Variants in DNAJC6 observed in about 807,000 individuals in gnomAD.
DNAJC6 encodes the protein auxilin.
Under a neutral mutation model 110.0 loss-of-function variants are expected in DNAJC6, and 34 were observed. The ratio of observed to expected loss-of-function variants is 0.31; its 90% CI spans 0.24 to 0.41. The LOEUF (loss-of-function observed/expected upper bound fraction) is 0.41, where lower values mean the gene tolerates loss of function less well. Among genes scored for constraint, DNAJC6 ranks in the 10% least tolerant of loss-of-function variants. The probability of loss-of-function intolerance (pLI) is 1.00; values close to 1 mark genes in which losing one functional copy is unlikely to be tolerated. For missense variants in DNAJC6, 1,031 were observed against 1,207.8 expected, an observed-to-expected ratio of 0.85 and a Z score of 2.17; for synonymous variants, 406 against 437.2, an observed-to-expected ratio of 0.93 and a Z score of 0.89.
intron 1 of DNAJC6, among the ~76,000 whole-genome samples, chr1:65,350,625 C>T (rs1011256649): frequency 2.0e-5 from 3 of 152,036 alleles, no homozygotes; most frequent in Admixed American, 6.5e-5. Flanking sequence ...GTTAAATTAC[C>T]GACATATCCT....
chr1:65,352,441 CCA>C lies in DNAJC6; in HGVS notation c.194-12193_194-12192del, dbSNP rs747158258. On this transcript the variant is annotated intron_variant, in intron 1 of 18. Coordinates refer to ENST00000371069, the MANE Select transcript of DNAJC6 (RefSeq NM_001256864.2). ...TTAGGCTAGAAGTCCAATGCACTAT[CCA>C]TTGTGCCACAGAGCCTGCCTGCTTG... Among the ~76,000 whole-genome samples the C allele has an allele frequency of 8.7e-3, 1,327 of 152,308 alleles. 56 individuals are homozygous for C. In the East Asian group the frequency reaches 0.11, roughly 13 times the overall value.
At chr1:65,296,304 C>G (rs1644927910) in intron 1 of DNAJC6, among the ~76,000 whole-genome samples, 2 of 152,170 alleles carry the variant, frequency 1.3e-5, no homozygotes, top group Non-Finnish European at 2.9e-5. Context: ...TTGCAATAGG[C>G]TACAAATCTG....
chr1:65,300,371 C>A (rs554229311), intron 1 of DNAJC6, among the ~76,000 whole-genome samples: 2 of 152,230 alleles, frequency 1.3e-5, no homozygotes, highest in East Asian at 3.9e-4. Context: ...AAGGACATAC[C>A]ACCTACCCTC....
intron 4 of DNAJC6, among the ~76,000 whole-genome samples, chr1:65,376,298 C>T (rs1234754063): frequency 1.3e-5 from 2 of 151,118 alleles, no homozygotes; most frequent in Admixed American, 1.3e-4. Context: ...CTTAGCTTAC[C>T]TAGAGGTTTA....
intron 5 of DNAJC6, among the ~76,000 whole-genome samples, chr1:65,381,915 A>G (rs1282007739): frequency 2.0e-5 from 3 of 152,234 alleles, no homozygotes; most frequent in South Asian, 2.1e-4. Flanking sequence ...CAATCCTCCA[A>G]ATTAATTCAC....
chr1:65,411,455 T>G, intron 18 of DNAJC6, 29 bp downstream of exon 18: 2 of 1,592,764 alleles, frequency 1.3e-6, no homozygotes, highest in Non-Finnish European at 1.7e-6. Flanking sequence ...GTTGTGTAAC[T>G]TGTCAGGTCC....
At chr1:65,307,562 T>G (rs1483904271), upstream of DNAJC6, among the ~76,000 whole-genome samples, 1 of 152,214 alleles carries the variant, frequency 6.6e-6, no homozygotes, top group Non-Finnish European at 1.5e-5. Context: ...GGTCTCAGTC[T>G]GTCACTGAGG....
At chr1:65,379,591 A>T (rs1441612950) in intron 5 of DNAJC6, 67 bp downstream of exon 5, 1 of 1,566,578 alleles carries the variant, frequency 6.4e-7, no homozygotes, top group East Asian at 2.3e-5. Context: ...CCTGTACACA[A>T]TGGTAGACAG....
chr1:65,386,037 A>C (rs1439295925), intron 7 of DNAJC6, 131 bp downstream of exon 7: 1 of 957,454 alleles, frequency 1.0e-6, no homozygotes, highest in East Asian at 2.7e-5. Context: ...AAAATGTTCA[A>C]CATCAGTGGT....
intron 1 of DNAJC6, 93 bp from the exon 2 acceptor site, chr1:65,364,542 C>T (rs1645626815): frequency 2.2e-6 from 3 of 1,351,548 alleles, no homozygotes; most frequent in Non-Finnish European, 3.0e-6. Context: ...TAAAGACAGT[C>T]TGTGTATGTT....
chr1:65,282,007 A>G (rs769387303), intron 1 of DNAJC6, among the ~76,000 whole-genome samples: 7 of 152,100 alleles, frequency 4.6e-5, no homozygotes, highest in Non-Finnish European at 8.8e-5. Flanking sequence ...GCTCACTGCA[A>G]CCTTGACCTT....
At chr1:65,318,871 A>C (rs1645171573) in intron 1 of DNAJC6, among the ~76,000 whole-genome samples, 1 of 152,186 alleles carries the variant, frequency 6.6e-6, no homozygotes, top group South Asian at 2.1e-4. Context: ...AAGTTGAAGG[A>C]AAAAAAGGAA....
At chr1:65,333,241 G>GCAGA (rs1177318500) in intron 1 of DNAJC6, among the ~76,000 whole-genome samples, 2 of 152,162 alleles carry the variant, frequency 1.3e-5, no homozygotes, top group Non-Finnish European at 2.9e-5. Context: ...TCTGGGCTCA[G>GCAGA]CAGAGATCTT....
intron 13 of DNAJC6, among the ~76,000 whole-genome samples, chr1:65,397,876 A>G (rs1375195003): frequency 1.3e-5 from 2 of 152,150 alleles, no homozygotes; most frequent in Non-Finnish European, 2.9e-5. Flanking sequence ...CAAGGAAATA[A>G]AAGGTTTGGA....
At chr1:65,274,482 A>G (rs999632613) in intron 1 of DNAJC6, among the ~76,000 whole-genome samples, 4 of 152,116 alleles carry the variant, frequency 2.6e-5, no homozygotes, top group African/African-American at 9.7e-5. Context: ...ACACTCAGCT[A>G]ATTTTTATAT....
At position 65,381,907 on chromosome 1, in the gene DNAJC6, A is replaced by G. The variant is rs1326668128; in HGVS notation, c.667-2286A>G. Among the ~76,000 whole-genome samples the G allele has an allele frequency of 2.6e-5, 4 of 152,256 alleles. 1 individual carries two copies. Among genetic ancestry groups the G allele is most frequent in the African/African-American group, 7.2e-5 (3 of 41,480 alleles). ...AGCAAGATAGTACGAGAGCCTCACA[A>G]TCCTCCAAATTAATTCACTCTCAAG... On this transcript the variant is annotated intron_variant, in intron 5 of 18. Transcript: ENST00000371069.
At chr1:65,401,232 C>CT (rs1646027560) in intron 14 of DNAJC6, among the ~76,000 whole-genome samples, 2 of 152,094 alleles carry the variant, frequency 1.3e-5, no homozygotes, top group South Asian at 2.1e-4. Context: ...AGATAAGAGT[C>CT]TTTTTACCCT....
At chr1:65,267,707 A>G (rs986664273) in intron 1 of DNAJC6, among the ~76,000 whole-genome samples, 4 of 152,148 alleles carry the variant, frequency 2.6e-5, no homozygotes, top group African/African-American at 4.8e-5. Flanking sequence ...GAGAGAGTCA[A>G]TAGTTTTCCT....
chr1:65,369,724 G>A (rs1645687630), intron 4 of DNAJC6, among the ~76,000 whole-genome samples: 1 of 152,200 alleles, frequency 6.6e-6, no homozygotes, highest in Admixed American at 6.5e-5. Context: ...GAGGATGTAG[G>A]TAGTGATGTT....
Sources: allele counts gnomAD v4.1 joint callset (sites outside exome capture counted in the v4.1 genomes callset), GRCh38; gene constraint gnomAD v4.1.1; transcripts MANE v1.5; gene names NCBI Gene and HGNC (gene_info 2026-07-23, HGNC 2026-07-21).